Variants in CPO observed in about 807,000 individuals in gnomAD.
CPO encodes carboxypeptidase O, also known as metallocarboxypeptidase C.
In CPO, 43 loss-of-function variants were observed where a neutral mutation model predicts 41.2. That is an observed-to-expected ratio of 1.04 (90% CI 0.82 to 1.35). The LOEUF is 1.35. CPO is among the 40% of genes most tolerant of loss of function. The pLI is 0.00. For missense variants in CPO, 408 were observed against 451.7 expected, an observed-to-expected ratio of 0.90 and a Z score of 0.88; for synonymous variants, 178 against 162.7, an observed-to-expected ratio of 1.09 and a Z score of -0.72.
intron 2 of CPO, among the ~76,000 whole-genome samples, chr2:206,952,159 G>A (rs1430782694): frequency 1.3e-5 from 2 of 150,698 alleles, no homozygotes; most frequent in African/African-American, 4.9e-5. Context: ...CTGTTGCCCA[G>A]GCTGGAGTGC....
At chr2:206,965,797 T>G in intron 7 of CPO, among the ~76,000 whole-genome samples, 1 of 152,102 alleles carries the variant, frequency 6.6e-6, no homozygotes, top group African/African-American at 2.4e-5. Context: ...CAAATGAGTT[T>G]TTATTATTTT....
intron 1 of CPO, among the ~76,000 whole-genome samples, chr2:206,943,702 AG>A (rs1186577848): frequency 2.1e-5 from 3 of 141,848 alleles, no homozygotes; most frequent in Non-Finnish European, 3.2e-5. Context: ...ATAGATAGAT[AG>A]ATAGATAGAT....
chr2:206,953,709 A>G (rs1693308383), intron 2 of CPO, among the ~76,000 whole-genome samples: 1 of 152,220 alleles, frequency 6.6e-6, no homozygotes, highest in Non-Finnish European at 1.5e-5. Context: ...GGGGACTCTA[A>G]GTGGAGTTCC....
intron 1 of CPO, 44 bp from the exon 2 acceptor site, chr2:206,949,573 C>G (rs780199726): frequency 7.1e-7 from 1 of 1,417,724 alleles, no homozygotes; most frequent in Non-Finnish European, 1.0e-6. Flanking sequence ...TCAGGATATC[C>G]CAGTTTCACC....
Position 206,969,368 on chromosome 2 carries a change from A to T in CPO, c.1057A>T (p.Ser353Cys), listed in dbSNP as rs776371668. The T allele has an allele frequency of 4.2e-5, 67 of 1,613,944 alleles. No individual in the cohort carries two copies. The Middle Eastern group carries it at 1.8e-3, about 44-fold the overall frequency. Residue 353 changes from serine to cysteine, a missense_variant, in exon 9 of 9, where the codon AGT becomes TGT. By Grantham distance (112) the Ser-to-Cys change is moderately radical. Transcript: ENST00000272852. ...DVYAKHWHSD[S>C]AGRVTSATML... is the part of the protein sequence containing the mutation. Reference sequence around the variant, plus strand: ...GTATGCGAAACACTGGCACTCGGACAGTGCTGGAAGGGTGACATCTGCCAC... The same window carrying T: ...GTATGCGAAACACTGGCACTCGGACTGTGCTGGAAGGGTGACATCTGCCAC...
chr2:206,967,351 A>C (rs55720711), intron 7 of CPO, among the ~76,000 whole-genome samples: 30,085 of 138,640 alleles, frequency 0.22, 3,568 homozygotes, highest in Middle Eastern at 0.29. Flanking sequence ...ATATATATAT[A>C]GATATATAGA....
Position 206,969,448 on chromosome 2 carries a change from C to T in CPO, c.*12C>T. 1.2e-6 allele frequency: 2 copies of T among 1,613,268 alleles called. No individual in the cohort carries two copies. The highest frequency in any genetic ancestry group is 1.7e-6 in the Non-Finnish European group (2 of 1,179,350). On this transcript the variant is annotated 3_prime_UTR_variant, in exon 9 of 9. Transcript: ENST00000272852. ...TGTCTCTTCTCTAAGTGCATTCTGC[C>T]CAGGCCTGCTCAACCCCAGTGGCAT...
At chr2:206,965,319 AT>A (rs1246821395) in intron 7 of CPO, among the ~76,000 whole-genome samples, 119 of 152,252 alleles carry the variant, frequency 7.8e-4, no homozygotes, top group Non-Finnish European at 9.6e-4. Flanking sequence ...GCAAGCTTTG[AT>A]AGAGTGCGCA....
chr2:206,958,733 T>G (rs1485705514), intron 4 of CPO, among the ~76,000 whole-genome samples: 5 of 138,028 alleles, frequency 3.6e-5, no homozygotes, highest in East Asian at 2.0e-4. Flanking sequence ...TTCTAGTTTT[T>G]TTTTTTTTTT....
intron 1 of CPO, among the ~76,000 whole-genome samples, chr2:206,941,098 C>G (rs1003379998): frequency 5.9e-5 from 9 of 151,910 alleles, no homozygotes; most frequent in Non-Finnish European, 1.2e-4. Flanking sequence ...AAACATAAAT[C>G]TTTTGGCCTA....
At position 206,958,308 on chromosome 2, in the gene CPO, A is replaced by G. The variant is rs919689087; in HGVS notation, c.275A>G (p.Gln92Arg). ...CATGGATATCTTCTCCAGATCAGCC[A>G]ACCATCTGGTAATCCCAAGAAAATC... Reference protein sequence around the residue: ...THPMYYLKISQPSGNPKKIIW... With the variant: ...THPMYYLKISRPSGNPKKIIW... The change falls in exon 4 of 9, where the codon CAA (glutamine) becomes CGA (arginine). Residue 92 changes from glutamine (Q) to arginine (R), a missense_variant. Physicochemically the swap from Gln to Arg is conservative, Grantham distance 43. Transcript: ENST00000272852. 5.7e-6 allele frequency: 9 copies of G among 1,577,110 alleles called. No homozygotes were observed. Among genetic ancestry groups the G allele is most frequent in the Non-Finnish European group, 7.8e-6 (9 of 1,155,554 alleles).
chr2:206,955,508 G>A lies in CPO; in HGVS notation c.211G>A (p.Val71Met), dbSNP rs780028601. The change falls in exon 3 of 9, where the codon GTG (valine) becomes ATG (methionine). Residue 71 changes from valine (V) to methionine (M), a missense_variant. Val to Met is a conservative substitution (Grantham distance 21). Coordinates refer to ENST00000272852, the MANE Select transcript of CPO (RefSeq NM_173077.3). Reference sequence around the variant, plus strand: ...GATCAGTGAGAAGTACAAGGAAGTGGTGACACAGCATTTCCTAGGAGTGAC... The same window carrying A: ...GATCAGTGAGAAGTACAAGGAAGTGATGACACAGCATTTCCTAGGAGTGAC... ...REISEKYKEV[V>M]TQHFLGVTYE... 6.2e-7 allele frequency: 1 copy of A among 1,611,866 alleles called. No individual in the cohort carries two copies. The highest frequency in any genetic ancestry group is 1.7e-5 in the Admixed American group (1 of 60,010).
intron 2 of CPO, among the ~76,000 whole-genome samples, chr2:206,951,101 C>CAA (rs35662717): frequency 6.6e-6 from 1 of 151,056 alleles, no homozygotes; most frequent in East Asian, 1.9e-4. Flanking sequence ...GGGGTGGAAC[C>CAA]AAAAAAAATT....
intron 7 of CPO, among the ~76,000 whole-genome samples, chr2:206,965,583 A>C (rs1693557605): frequency 6.6e-6 from 1 of 152,072 alleles, no homozygotes; most frequent in Non-Finnish European, 1.5e-5. Flanking sequence ...ACATGCTTAC[A>C]TTCTTTCCAT....
At chr2:206,940,303 A>G (rs1693003795) in intron 1 of CPO, among the ~76,000 whole-genome samples, 1 of 152,036 alleles carries the variant, frequency 6.6e-6, no homozygotes. Context: ...TTATTTCTCT[A>G]AGAAGTGGAA....
intron 1 of CPO, among the ~76,000 whole-genome samples, chr2:206,948,994 T>G (rs1287347596): frequency 6.6e-6 from 1 of 152,094 alleles, no homozygotes; most frequent in Non-Finnish European, 1.5e-5. Context: ...GGGAACTATC[T>G]GCATTTTCTG....
intron 5 of CPO, among the ~76,000 whole-genome samples, chr2:206,960,359 G>T (rs907299966): frequency 4.6e-5 from 7 of 152,140 alleles, no homozygotes; most frequent in African/African-American, 1.7e-4. Context: ...TGTGAATCGA[G>T]TTTTCCCTCT....
At chr2:206,944,222 A>G (rs1319635757) in intron 1 of CPO, among the ~76,000 whole-genome samples, 1 of 152,072 alleles carries the variant, frequency 6.6e-6, no homozygotes, top group Non-Finnish European at 1.5e-5. Flanking sequence ...TATTGTTAGT[A>G]TAAAATATAC....
At chr2:206,950,159 G>C (rs1183333593) in intron 2 of CPO, among the ~76,000 whole-genome samples, 1 of 151,980 alleles carries the variant, frequency 6.6e-6, no homozygotes, top group East Asian at 1.9e-4. Flanking sequence ...TCTCAAGAGG[G>C]GAAAACTTTT....
Sources: gnomAD v4.1 joint callset for allele counts (sites outside exome capture counted in the v4.1 genomes callset) on GRCh38, gnomAD v4.1.1 for gene constraint, MANE v1.5 for transcripts, NCBI Gene and HGNC (gene_info 2026-07-23, HGNC 2026-07-21) for gene names.